KCNH3: variants seen among roughly 807,000 people sequenced by gnomAD.
The protein encoded by KCNH3 is potassium voltage-gated channel subfamily H member 3.
A neutral mutation model predicts 95.6 loss-of-function variants in KCNH3; 36 were observed. That is an observed-to-expected ratio of 0.38 (90% confidence interval 0.29 to 0.50). The LOEUF is 0.50. Among genes scored for constraint, KCNH3 ranks in the 20% least tolerant of loss-of-function variants. The probability of loss-of-function intolerance (pLI) is 0.95; values close to 1 mark genes in which losing one functional copy is unlikely to be tolerated. For missense variants in KCNH3, 1,030 were observed against 1,484.1 expected (o/e 0.69, Z 5.03); for synonymous variants, 620 against 646.3 (o/e 0.96, Z 0.62).
rs1238869415 is a variant in KCNH3, at chr12:49,539,564, C to G, written c.76+72C>G. On this transcript the variant is annotated intron_variant, in intron 1 of 14. Coordinates refer to ENST00000257981, the MANE Select transcript of KCNH3 (RefSeq NM_012284.3). This position sits in a 1 kb window ranked among gnomAD's most constrained non-coding sequence, Gnocchi z 6.7. ...CCAGGGCTCCCGCCTTCCCCGAACC[C>G]CCAGCAGCCCAGCTTGGCGCCAGCC... The G allele has an allele frequency of 7.5e-7, 1 of 1,336,988 alleles. No individual in the cohort carries two copies. Among genetic ancestry groups the G allele is most frequent in the Admixed American group, 2.1e-5 (1 of 48,698 alleles). 82.8% of individuals were successfully genotyped at this position (1,336,988 alleles called of 1,614,324 possible). A position where few individuals can be genotyped will look rare whatever the true frequency, so the allele number is the denominator to read the frequency against.
At chr12:49,544,145 T>TACCCAA in intron 6 of KCNH3, 30 bp from the exon 7 acceptor site, 12 of 818,286 alleles carry the variant, frequency 1.5e-5, no homozygotes, top group Non-Finnish European at 1.8e-5. Flanking sequence ...CTGACCTCCC[T>TACCCAA]CCCTCCCTCC....
intron 4 of KCNH3, 34 bp downstream of exon 4, chr12:49,542,873 A>C: frequency 6.3e-7 from 1 of 1,597,226 alleles, no homozygotes. Flanking sequence ...GGGAGAGGGG[A>C]GGGGCAGACG....
At chr12:49,556,511 G>A in intron 13 of KCNH3, 35 bp downstream of exon 13, 1 of 1,475,810 alleles carries the variant, frequency 6.8e-7, no homozygotes, top group Non-Finnish European at 9.5e-7. Flanking sequence ...GGTTGGTGGG[G>A]CAGCCCCTTT....
rs573116510 is a variant in KCNH3 at position 49,550,274 on chromosome 12, T to C, written c.1863T>C (p.Phe621=). The change falls in exon 10 of 15, where the codon TTT becomes TTC. Residue 621 remains phenylalanine, a synonymous_variant. Transcript: ENST00000257981. ...GCGATGCCCTGCAGGCCCTCTACTT[T>C]GTCTGCTCTGGCTCCATGGAGGTGC... ...HQGDALQALY[F]VCSGSMEVLK... 2 of 1,610,118 alleles carry C rather than the reference T, an allele frequency of 1.2e-6. No homozygotes were observed. The highest frequency in any genetic ancestry group is 4.5e-5 in the East Asian group (2 of 44,878).
chr12:49,550,161 G>C lies in KCNH3; in HGVS notation c.1750G>C (p.Glu584Gln). Residue 584 changes from glutamate to glutamine, a missense_variant, in exon 10 of 15, where the codon GAG becomes CAG. Transcript: ENST00000257981. ...GGAGGTCCTGCAGCTGCCACTGTTTGAGGCGGCCAGCCGCGGCTGCCTGCG... is the reference window on the plus strand; with the variant it reads ...GGAGGTCCTGCAGCTGCCACTGTTTCAGGCGGCCAGCCGCGGCTGCCTGCG... The part of the protein sequence containing the change: ...HKEVLQLPLF[E>Q]AASRGCLRAL... The C allele has an allele frequency of 6.2e-7, 1 of 1,608,852 alleles. No homozygotes were observed. The highest frequency in any genetic ancestry group is 1.1e-5 in the South Asian group (1 of 91,004).
intron 11 of KCNH3, 47 bp from the exon 12 acceptor site, chr12:49,555,573 A>G (rs1364118357): frequency 1.6e-6 from 2 of 1,289,882 alleles, no homozygotes. Context: ...TGAGTGGGAC[A>G]CAATAGTGAC....
chr12:49,542,228 T>C (rs1937895280), intron 3 of KCNH3, among the ~76,000 whole-genome samples: 1 of 152,100 alleles, frequency 6.6e-6, no homozygotes, highest in African/African-American at 2.4e-5. Context: ...TCTTTGCCAT[T>C]TGGGGATGCT....
At chr12:49,551,675 T>G (rs1211888985) in intron 10 of KCNH3, among the ~76,000 whole-genome samples, 3 of 150,834 alleles carry the variant, frequency 2.0e-5, no homozygotes, top group African/African-American at 7.3e-5. Context: ...GGGGAACATG[T>G]GACCGGTGTG....
rs573287113 is a variant in KCNH3 at position 49,549,442 on chromosome 12, C to T, written c.1470C>T (p.Ala490=). The change falls in exon 9 of 15, where the codon GCC becomes GCT. Residue 490 remains alanine, a splice_region_variant and synonymous_variant. Coordinates refer to ENST00000257981, the MANE Select transcript of KCNH3 (RefSeq NM_012284.3). ...CCCCCTCTCGTCACCCTCCCCCAGC[C>T]CTGATGCACGCGGTGGTGTTTGGGA... ...IFSICTMLIG[A]LMHAVVFGNV... 6.8e-6 allele frequency: 11 copies of T among 1,613,470 alleles called. No individual in the cohort carries two copies. The South Asian group carries it at 1.2e-4, about 18-fold the overall frequency.
In KCNH3 at chr12:49,558,314, T is replaced by C. The variant is rs1206303732; in HGVS notation, c.*361T>C. 1.5e-5 allele frequency: 6 copies of C among 403,298 alleles called. No individual in the cohort carries two copies. In the Middle Eastern group the frequency reaches 2.5e-3, roughly 167 times the overall value. 25.0% of individuals were successfully genotyped at this position (403,298 alleles called of 1,614,324 possible). A position where few individuals can be genotyped will look rare whatever the true frequency, so the allele number is the denominator to read the frequency against. ...TAAAATAAACTACTTTGGAACCTGGTGCTTTTTATTTACAAAAGAAAAACA... is the reference window on the plus strand; with the variant it reads ...TAAAATAAACTACTTTGGAACCTGGCGCTTTTTATTTACAAAAGAAAAACA... On this transcript the variant is annotated 3_prime_UTR_variant, in exon 15 of 15. Transcript: ENST00000257981.
At position 49,556,869 on chromosome 12, in the gene KCNH3, A is replaced by T. The variant is rs1938475532; in HGVS notation, c.2576-314A>T. The T allele has an allele frequency of 3.0e-5, 19 of 623,546 alleles. No individual in the cohort carries two copies. In the East Asian group the frequency reaches 5.8e-4, roughly 19 times the overall value. 38.6% of individuals were successfully genotyped at this position (623,546 alleles called of 1,614,324 possible). Reference sequence around the variant, plus strand: ...CCAGGGGTGAAAATGTCTCCAGGCCAGGGAAGTGGACAAGGTAATGAGCTC... The same window carrying T: ...CCAGGGGTGAAAATGTCTCCAGGCCTGGGAAGTGGACAAGGTAATGAGCTC... On this transcript the variant is annotated intron_variant, in intron 13 of 14. Coordinates refer to ENST00000257981, the MANE Select transcript of KCNH3 (RefSeq NM_012284.3).
chr12:49,545,119 CA>C lies in KCNH3; in HGVS notation c.1189+738del, dbSNP rs1354373164. On this transcript the variant is annotated intron_variant, in intron 7 of 14. Transcript: ENST00000257981. ...TAGTTCCTCTCAGCTGTGGGTGATG[CA>C]GCCCTCAGCTGGCCTCCTCCCAGCT... Among the ~76,000 whole-genome samples the C allele has an allele frequency of 2.0e-5, 3 of 152,248 alleles. No homozygotes were observed. The South Asian group carries it at 6.2e-4, about 32-fold the overall frequency.
chr12:49,541,175 A>C (rs1592497051), intron 2 of KCNH3, 43 bp downstream of exon 2: 8 of 1,467,416 alleles, frequency 5.5e-6, no homozygotes, highest in South Asian at 2.4e-5. Context: ...TTGCAGTCTC[A>C]CCCAGCCTGG....
chr12:49,553,300 T>C (rs1938326134), intron 10 of KCNH3, among the ~76,000 whole-genome samples: 1 of 152,094 alleles, frequency 6.6e-6, no homozygotes. Flanking sequence ...CACACCGAGC[T>C]TAATTTTTGC....
At chr12:49,555,222 C>T (rs1592511298) in intron 11 of KCNH3, among the ~76,000 whole-genome samples, 1 of 148,992 alleles carries the variant, frequency 6.7e-6, no homozygotes, top group Non-Finnish European at 1.5e-5. Context: ...GGGTGGATCA[C>T]GAGGTCAGGA....
In KCNH3 at chr12:49,557,848, G is replaced by A; in HGVS notation, c.3147G>A (p.Gly1049=). The stretch of plus-strand genomic sequence containing the variant: ...CTGGAGAGCCCCCACCAGGGTCAGG[G>A]GGCCTGGCCTTGCCCTGGGACCCCC... ...TSTGEPPPGS[G]GLALPWDPHS... The change falls in exon 15 of 15, where the codon GGG becomes GGA. Residue 1049 remains glycine (G), a synonymous_variant. Coordinates refer to ENST00000257981, the MANE Select transcript of KCNH3 (RefSeq NM_012284.3). 6.3e-7 allele frequency: 1 copy of A among 1,592,378 alleles called. No individual in the cohort carries two copies. The highest frequency in any genetic ancestry group is 8.6e-7 in the Non-Finnish European group (1 of 1,167,264).
chr12:49,540,204 C>T (rs1227906870), intron 1 of KCNH3, among the ~76,000 whole-genome samples: 1 of 152,152 alleles, frequency 6.6e-6, no homozygotes, highest in Non-Finnish European at 1.5e-5. Flanking sequence ...GTCTCCGGTT[C>T]CTGATAGGGG....
chr12:49,543,481 C>T lies in KCNH3; in HGVS notation c.786C>T (p.Ser262=), dbSNP rs1325272630. The change falls in exon 5 of 15, where the codon AGC becomes AGT. Residue 262 remains serine (S), a synonymous_variant. Transcript: ENST00000257981. ...REPSAARGPP[S]VCDLAVEVLF... Reference sequence around the variant, plus strand: ...CCAGTGCCGCCCGCGGCCCGCCCAGCGTCTGTGACCTGGCCGTGGAGGTCC... The same window carrying T: ...CCAGTGCCGCCCGCGGCCCGCCCAGTGTCTGTGACCTGGCCGTGGAGGTCC... 9 of 1,599,900 alleles carry T rather than the reference C, an allele frequency of 5.6e-6. No individual in the cohort carries two copies. Among genetic ancestry groups the T allele is most frequent in the South Asian group, 3.3e-5 (3 of 91,066 alleles).
rs369342819 is a variant in KCNH3 at position 49,554,208 on chromosome 12, C to G, written c.1919-129C>G. 6.2e-5 allele frequency: 46 copies of G among 738,774 alleles called. 1 individual carries two copies. The highest frequency in any genetic ancestry group is 4.2e-4 in the East Asian group (17 of 40,398). The allele number at this position is 738,774 out of a possible 1,614,324, so 45.8% of individuals were successfully genotyped here. On this transcript the variant is annotated intron_variant, in intron 10 of 14. Transcript: ENST00000257981. ...CCAGGCCTCTTTGCTCCTCTCTCTG[C>G]TGGCTTCAAGGCTTCAGCTACAGAG...
Sources: gnomAD v4.1 joint callset for allele counts (sites outside exome capture counted in the v4.1 genomes callset) on GRCh38, gnomAD v4.1.1 for gene constraint, Gnocchi (gnomAD v3.1) non-coding constraint, MANE v1.5 for transcripts, NCBI Gene and HGNC (gene_info 2026-07-23, HGNC 2026-07-21) for gene names.